CARD8: variants seen among roughly 807,000 people sequenced by gnomAD.
The protein encoded by CARD8 is caspase recruitment domain-containing protein 8.
A neutral mutation model predicts 53.2 loss-of-function variants in CARD8; 38 were observed. That is an observed-to-expected ratio of 0.71 (90% CI 0.55 to 0.94). The LOEUF is 0.94. Ranked by LOEUF, CARD8 falls within the 40% of genes least tolerant of loss-of-function variation. The pLI, the probability that CARD8 is intolerant of heterozygous loss-of-function variation, is 0.00. For synonymous variants in CARD8, 245 were observed against 244.9 expected (o/e 1.00, Z 0.00); for missense variants, 561 against 655.5 (o/e 0.86, Z 1.57).
chr19:48,229,893 A>C (rs1275005195), intron 10 of CARD8, among the ~76,000 whole-genome samples: 6 of 152,188 alleles, frequency 3.9e-5, no homozygotes, highest in Admixed American at 3.9e-4. Flanking sequence ...CAGGTGGATC[A>C]CCTGAGGTCA....
chr19:48,251,053 G>A (rs1379507383), intron 1 of CARD8, among the ~76,000 whole-genome samples: 1 of 152,152 alleles, frequency 6.6e-6, no homozygotes, highest in Non-Finnish European at 1.5e-5. Context: ...TAACCACATG[G>A]CCTGCTTTCT....
Position 48,208,532 on chromosome 19 carries a change from T to G in CARD8, c.*3178A>C, listed in dbSNP as rs1968441. The G allele has an allele frequency of 0.82, 124,380 of 152,122 alleles. 51,787 individuals are homozygous for G. The highest frequency in any genetic ancestry group is 0.91 in the South Asian group (4,395 of 4,828). The allele number at this position is 152,122 out of a possible 1,614,324, so 9.4% of individuals were successfully genotyped here. On this transcript the variant is annotated 3_prime_UTR_variant, in exon 14 of 14. Transcript: ENST00000651546. Reference sequence around the variant, plus strand: ...GAGTCTCATAAGATAACATTCACATTTCGAGGGTACATATCGGAACTACTG... The same window carrying G: ...GAGTCTCATAAGATAACATTCACATGTCGAGGGTACATATCGGAACTACTG...
chr19:48,205,282 T>C (rs1305738386), downstream of CARD8, among the ~76,000 whole-genome samples: 1 of 152,166 alleles, frequency 6.6e-6, no homozygotes, highest in Non-Finnish European at 1.5e-5. Context: ...CAGGCTGGAG[T>C]GCAGTGGCAT....
At chr19:48,207,732 C>CTTTTTTTTTTTTTTTTTTTT (rs2037420712), downstream of CARD8, among the ~76,000 whole-genome samples, 1 of 91,278 alleles carries the variant, frequency 1.1e-5, no homozygotes, top group Non-Finnish European at 2.1e-5. Flanking sequence ...TGTTGTTTTT[C>CTTTTTTTTTTTTTTTTTTTT]TGTTTTTTTT....
downstream of CARD8, among the ~76,000 whole-genome samples, chr19:48,207,735 T>TTTTTTTTTTTTTTG (rs1555790137): frequency 1.4e-3 from 105 of 74,888 alleles, 3 homozygotes; most frequent in African/African-American, 4.9e-3. Context: ...TGTTTTTCTG[T>TTTTTTTTTTTTTTG]TTTTTTTTTT....
chr19:48,215,387 A>G lies in CARD8; in HGVS notation c.1304-3T>C, dbSNP rs1568651170. 6.2e-7 allele frequency: 1 copy of G among 1,606,388 alleles called. No individual in the cohort carries two copies. Among genetic ancestry groups the G allele is most frequent in the South Asian group, 1.1e-5 (1 of 90,910 alleles). On this transcript the variant is annotated splice_region_variant and splice_polypyrimidine_tract_variant and intron_variant, in intron 12 of 13. Coordinates refer to ENST00000651546, the MANE Select transcript of CARD8 (RefSeq NM_001184900.3). The stretch of plus-strand genomic sequence containing the variant: ...TGCAGCTACAAGCTGGAGATCCACT[A>G]CAAAAGAGGGAAAAATTATATGATG...
Position 48,238,476 on chromosome 19 carries a change from G to A in CARD8, c.116C>T (p.Ser39Leu). 1 of 1,536,316 alleles carries A rather than the reference G, an allele frequency of 6.5e-7. No individual in the cohort carries two copies. The highest frequency in any genetic ancestry group is 8.7e-7 in the Non-Finnish European group (1 of 1,146,940). ...GCTATTGTCAACCAACAGTTTCCGT[G>A]ATCCTTGTAGTCTAATGAGTTTGGA... is the stretch of plus-strand genomic sequence containing the variant. ...DASKLIRLQG[S>L]RKLLVDNSIR... Residue 39 changes from serine to leucine, a missense_variant, in exon 5 of 14, where the codon TCA (serine) becomes TTA (leucine). Coordinates refer to ENST00000651546, the MANE Select transcript of CARD8 (RefSeq NM_001184900.3).
At chr19:48,220,179 T>C (rs1040221292) in intron 11 of CARD8, among the ~76,000 whole-genome samples, 5 of 152,182 alleles carry the variant, frequency 3.3e-5, no homozygotes, top group African/African-American at 1.2e-4. Flanking sequence ...TATTAATTGC[T>C]GTGGAGTTTA....
intron 3 of CARD8, among the ~76,000 whole-genome samples, chr19:48,248,649 AACAC>A (rs1233220889): frequency 2.0e-5 from 3 of 152,210 alleles, no homozygotes; most frequent in Non-Finnish European, 4.4e-5. Flanking sequence ...GATGACTGAA[AACAC>A]AGCCGCTTTG....
intron 13 of CARD8, among the ~76,000 whole-genome samples, chr19:48,213,602 G>A (rs2038515876): frequency 6.6e-6 from 1 of 152,254 alleles, no homozygotes; most frequent in South Asian, 2.1e-4. Flanking sequence ...TCAAACTCCT[G>A]ACCTCAGGTG....
At chr19:48,205,626 G>T (rs1207525825), downstream of CARD8, among the ~76,000 whole-genome samples, 1 of 152,168 alleles carries the variant, frequency 6.6e-6, no homozygotes, top group Non-Finnish European at 1.5e-5. Context: ...ATTCCTATGA[G>T]GTAGCGTTAC....
At chr19:48,205,714 G>A (rs1568592060), downstream of CARD8, among the ~76,000 whole-genome samples, 1 of 152,092 alleles carries the variant, frequency 6.6e-6, no homozygotes, top group Non-Finnish European at 1.5e-5. Context: ...GTTAGAACCA[G>A]AATTTGGACC....
chr19:48,221,026 GAGAA>G (rs1568699116), intron 11 of CARD8, among the ~76,000 whole-genome samples: 2 of 119,654 alleles, frequency 1.7e-5, no homozygotes, highest in Non-Finnish European at 3.7e-5. Context: ...GAAAGAAAGA[GAGAA>G]AGAGGGAAAA....
intron 13 of CARD8, chr19:48,212,952 CT>C (rs1241590690): frequency 2.6e-5 from 4 of 152,248 alleles, no homozygotes; most frequent in Non-Finnish European, 5.9e-5. Flanking sequence ...AAGGTGCTCT[CT>C]TTTTTCTCCC....
At chr19:48,247,198 C>T (rs2146962859) in intron 3 of CARD8, among the ~76,000 whole-genome samples, 1 of 152,234 alleles carries the variant, frequency 6.6e-6, no homozygotes, top group East Asian at 1.9e-4. Flanking sequence ...GTGGCATGGG[C>T]CTGTAATTTC....
At chr19:48,219,954 G>A (rs983875670) in intron 11 of CARD8, among the ~76,000 whole-genome samples, 1 of 152,176 alleles carries the variant, frequency 6.6e-6, no homozygotes. Flanking sequence ...CTGGGCGACA[G>A]AGTAAGACTC....
At chr19:48,246,504 C>T (rs2046132186) in intron 3 of CARD8, among the ~76,000 whole-genome samples, 1 of 151,944 alleles carries the variant, frequency 6.6e-6, no homozygotes, top group Non-Finnish European at 1.5e-5. Context: ...GCATGTATAC[C>T]GAACTGTGCC....
intron 5 of CARD8, among the ~76,000 whole-genome samples, chr19:48,235,491 C>A (rs1467317867): frequency 6.6e-6 from 1 of 152,038 alleles, no homozygotes; most frequent in African/African-American, 2.4e-5. Context: ...TCCCCAGCCA[C>A]GTGAAACTAA....
At chr19:48,233,091 C>A (rs1199725009) in intron 6 of CARD8, 1 of 351,776 alleles carries the variant, frequency 2.8e-6, no homozygotes, top group Non-Finnish European at 5.5e-6. Flanking sequence ...AAAAACCACC[C>A]AATACCAGGT....
Sources: gnomAD v4.1 joint callset for allele counts (sites outside exome capture counted in the v4.1 genomes callset) on GRCh38, gnomAD v4.1.1 for gene constraint, MANE v1.5 for transcripts, NCBI Gene and HGNC (gene_info 2026-07-23, HGNC 2026-07-21) for gene names.